The following PLEKHD1 variants were observed in gnomAD, a reference collection of about 807,000 sequenced individuals.
The protein encoded by PLEKHD1 is pleckstrin homology domain-containing family D member 1.
Under a neutral mutation model 69.2 loss-of-function variants are expected in PLEKHD1, and 51 were observed. That is an observed-to-expected ratio of 0.74 (90% CI 0.59 to 0.93). The LOEUF (loss-of-function observed/expected upper bound fraction) is 0.93, where lower values mean the gene tolerates loss of function less well. Among genes scored for constraint, PLEKHD1 ranks in the 40% least tolerant of loss-of-function variants. The pLI is 0.00. For synonymous variants in PLEKHD1, 236 were observed against 244.7 expected (o/e 0.96, Z 0.33); for missense variants, 584 against 641.0 (o/e 0.91, Z 0.96).
Position 69,501,770 on chromosome 14 carries a change from C to A in PLEKHD1, c.447C>A (p.Ile149=). Residue 149 remains isoleucine (I), a synonymous_variant, in exon 5 of 13, where the codon ATC becomes ATA. Coordinates refer to ENST00000322564, the MANE Select transcript of PLEKHD1 (RefSeq NM_001161498.2). ...ATGCCCAGCTGGGAGAAGCCATGAT[C>A]AAAAGCCTGGAGGCCCAGGGGCTGC... The part of the protein sequence containing the change: ...WKNAQLGEAM[I]KSLEAQGLQL... 2 of 1,551,580 alleles carry A rather than the reference C, an allele frequency of 1.3e-6. No individual in the cohort carries two copies. Among genetic ancestry groups the A allele is most frequent in the South Asian group, 2.4e-5 (2 of 83,992 alleles).
In PLEKHD1 at chr14:69,528,290, C is replaced by G; in HGVS notation, c.1392C>G (p.Ala464=). The G allele has an allele frequency of 6.4e-7, 1 of 1,551,712 alleles. No homozygotes were observed. Among genetic ancestry groups the G allele is most frequent in the African/African-American group, 1.4e-5 (1 of 73,156 alleles). ...SQSFMTSQLD[A]NNMEELKEVA... is the part of the protein sequence containing the mutation. ...CCTTCATGACCTCCCAGCTGGATGCCAACAACATGGAGGAGCTAAAGGAGG... is the reference window on the plus strand; with the variant it reads ...CCTTCATGACCTCCCAGCTGGATGCGAACAACATGGAGGAGCTAAAGGAGG... Residue 464 remains alanine, a synonymous_variant, in exon 13 of 13, where the codon GCC becomes GCG. Transcript: ENST00000322564.
At chr14:69,470,338 T>C in the PLEKHD1 span, among the ~76,000 whole-genome samples, 1 of 151,710 alleles carries the variant, frequency 6.6e-6, no homozygotes, top group African/African-American at 2.4e-5. Context: ...TGGTGCACAC[T>C]TGCAGTCCCA....
At chr14:69,507,739 G>A (rs1448625095) in intron 6 of PLEKHD1, among the ~76,000 whole-genome samples, 5 of 152,136 alleles carry the variant, frequency 3.3e-5, no homozygotes, top group Admixed American at 1.3e-4. Flanking sequence ...TTGAGACAGA[G>A]TCTTGCTCTG....
intron 8 of PLEKHD1, among the ~76,000 whole-genome samples, chr14:69,525,721 A>G (rs1883630116): frequency 6.6e-6 from 1 of 152,128 alleles, no homozygotes; most frequent in Non-Finnish European, 1.5e-5. Context: ...TCTCCACTGG[A>G]AGGCACTTTG....
chr14:69,520,923 C>T (rs1241924558), intron 6 of PLEKHD1, among the ~76,000 whole-genome samples: 1 of 152,184 alleles, frequency 6.6e-6, no homozygotes, highest in African/African-American at 2.4e-5. Context: ...GACCCACTCA[C>T]CTTTACCAGG....
chr14:69,490,620 C>T (rs1015695439), intron 1 of PLEKHD1, among the ~76,000 whole-genome samples: 1 of 152,198 alleles, frequency 6.6e-6, no homozygotes, highest in Non-Finnish European at 1.5e-5. Flanking sequence ...TCTCTCTGAA[C>T]TCTAATGTGT....
At chr14:69,479,252 C>G in the PLEKHD1 span, among the ~76,000 whole-genome samples, 1 of 152,198 alleles carries the variant, frequency 6.6e-6, no homozygotes, top group Non-Finnish European at 1.5e-5. Context: ...CCCACTAGTA[C>G]TCTCCCACAA....
intron 7 of PLEKHD1, 29 bp downstream of exon 7, chr14:69,522,406 G>T: frequency 6.5e-7 from 1 of 1,549,314 alleles, no homozygotes; most frequent in South Asian, 1.2e-5. Context: ...AATTGGGGGT[G>T]CCACTAAGTT....
Position 69,486,122 on chromosome 14 carries a change from C to T in PLEKHD1, c.149+1008C>T, listed in dbSNP as rs560916587. On this transcript the variant is annotated intron_variant, in intron 1 of 12. Coordinates refer to ENST00000322564, the MANE Select transcript of PLEKHD1 (RefSeq NM_001161498.2). ...CCAGCCCTTCCGCGGAGGTGTGACC[C>T]TTCCAGGAAACCAGGGGTATCCAGA... 3.9e-5 allele frequency among the ~76,000 whole-genome samples: 6 copies of T among 152,294 alleles called. No homozygotes were observed. In the South Asian group the frequency reaches 1.2e-3, roughly 32 times the overall value.
Position 69,485,104 on chromosome 14 carries a change from T to A in PLEKHD1, c.139T>A (p.Trp47Arg). Residue 47 changes from tryptophan to arginine, a missense_variant, in exon 1 of 13, where the codon TGG becomes AGG. Transcript: ENST00000322564. The stretch of plus-strand genomic sequence containing the variant: ...GCCTTTCGGCAGGCCGTCGGCCAAG[T>A]GGTCCCGGCGGTGAGTGCGCCCCCG... Reference protein sequence around the residue: ...KRPFGRPSAKWSRRFFIIKES... With the variant: ...KRPFGRPSAKRSRRFFIIKES... 1 of 1,550,238 alleles carries A rather than the reference T, an allele frequency of 6.5e-7. No homozygotes were observed. The highest frequency in any genetic ancestry group is 8.7e-7 in the Non-Finnish European group (1 of 1,146,504).
At position 69,514,252 on chromosome 14, in the gene PLEKHD1, G is replaced by GTT. The variant is rs562045103; in HGVS notation, c.556-8020_556-8019dup. On this transcript the variant is annotated intron_variant, in intron 6 of 12. Coordinates refer to ENST00000322564, the MANE Select transcript of PLEKHD1 (RefSeq NM_001161498.2). ...ACAGTTCTTCGATATTCTGCTCTGG[G>GTT]TTTTTTTTTTTTCAGCCTTTTTTCT... Among the ~76,000 whole-genome samples the GTT allele has an allele frequency of 1.6e-3, 230 of 140,524 alleles. 1 individual carries two copies. Among genetic ancestry groups the GTT allele is most frequent in the African/African-American group, 5.7e-3 (221 of 38,786 alleles). 92.2% of individuals were successfully genotyped at this position (140,524 alleles called of 152,430 possible).
intron 1 of PLEKHD1, among the ~76,000 whole-genome samples, chr14:69,490,334 G>C (rs1343376744): frequency 6.6e-6 from 1 of 152,170 alleles, no homozygotes; most frequent in Non-Finnish European, 1.5e-5. Context: ...TTTACAAAAG[G>C]GTTGGTGCTC....
chr14:69,473,436 T>G, the PLEKHD1 span, among the ~76,000 whole-genome samples: 31 of 148,746 alleles, frequency 2.1e-4, no homozygotes, highest in African/African-American at 7.4e-4. Context: ...TCTGCCTCAC[T>G]TGGTGAGGGC....
chr14:69,515,622 G>A (rs1450171337), intron 6 of PLEKHD1, among the ~76,000 whole-genome samples: 2 of 152,206 alleles, frequency 1.3e-5, no homozygotes, highest in Non-Finnish European at 2.9e-5. Context: ...GGAGGCCTCA[G>A]GAAGCTTACA....
At chr14:69,503,022 ACAGTG>A in intron 6 of PLEKHD1, 143 bp downstream of exon 6, 1 of 894,568 alleles carries the variant, frequency 1.1e-6, no homozygotes, top group Non-Finnish European at 1.8e-6. Context: ...AAATGGGATC[ACAGTG>A]CTTGCTTGGG....
intron 6 of PLEKHD1, among the ~76,000 whole-genome samples, chr14:69,514,138 TG>T (rs1302298843): frequency 6.6e-6 from 1 of 152,206 alleles, no homozygotes; most frequent in Non-Finnish European, 1.5e-5. Flanking sequence ...GACATTAATA[TG>T]GGAAAACTCT....
chr14:69,523,885 AC>A lies in PLEKHD1; in HGVS notation c.651-342del, dbSNP rs149963030. Among the ~76,000 whole-genome samples, 901 of 152,308 alleles carry A rather than the reference AC, an allele frequency of 5.9e-3. 19 individuals are homozygous for A. Among genetic ancestry groups the A allele is most frequent in the Admixed American group, 0.039 (593 of 15,304 alleles). ...CTTAGCCATGTTCTATGTCAGAATG[AC>A]CATGGGTTCTAGCAAGTGCTGTCCA... On this transcript the variant is annotated intron_variant, in intron 7 of 12. Coordinates refer to ENST00000322564, the MANE Select transcript of PLEKHD1 (RefSeq NM_001161498.2).
chr14:69,501,510 G>A, intron 4 of PLEKHD1: 1 of 446,990 alleles, frequency 2.2e-6, no homozygotes. Context: ...AGCCCCCAGT[G>A]GCCCACTTTG....
At chr14:69,507,460 G>T (rs1404379990) in intron 6 of PLEKHD1, among the ~76,000 whole-genome samples, 1 of 152,144 alleles carries the variant, frequency 6.6e-6, no homozygotes, top group African/African-American at 2.4e-5. Context: ...GAATAAAATT[G>T]CTATAAACAT....
Sources: allele counts gnomAD v4.1 joint callset (sites outside exome capture counted in the v4.1 genomes callset), GRCh38; gene constraint gnomAD v4.1.1; transcripts MANE v1.5; gene names NCBI Gene and HGNC (gene_info 2026-07-23, HGNC 2026-07-21).